The following ZNF33A variants were observed in gnomAD, a reference collection of about 807,000 sequenced individuals.
ZNF33A encodes brain my041 protein.
A neutral mutation model predicts 15.9 loss-of-function variants in ZNF33A; 9 were observed. The observed-to-expected ratio is 0.57, with a 90% CI of 0.34 to 0.99. The LOEUF is 0.99. Among genes scored for constraint, ZNF33A ranks in the 50% least tolerant of loss-of-function variants. The pLI is 0.02. For synonymous variants in ZNF33A, 294 were observed against 324.2 expected (o/e 0.91, Z 1.00); for missense variants, 843 against 941.6 (o/e 0.90, Z 1.37).
chr10:38,067,012 A>G (rs1462142301), downstream of ZNF33A, among the ~76,000 whole-genome samples: 4 of 152,206 alleles, frequency 2.6e-5, no homozygotes, highest in Non-Finnish European at 4.4e-5. Context: ...ACTGTCCTCA[A>G]TATGACCTAT....
intron 4 of ZNF33A, among the ~76,000 whole-genome samples, chr10:38,053,444 T>C (rs2066304554): frequency 6.6e-6 from 1 of 152,156 alleles, no homozygotes; most frequent in Admixed American, 6.6e-5. Flanking sequence ...ACCAATGCCA[T>C]TGTATTTGTG....
At position 38,055,251 on chromosome 10, in the gene ZNF33A, A is replaced by G. The variant is rs772100977; in HGVS notation, c.1127A>G (p.Gln376Arg). ...GATAAGTCAAACCTCACTAAACATC[A>G]AAGATCACACACAGGGGAGAAACCT... ...FWDKSNLTKH[Q>R]RSHTGEKPFE... Residue 376 changes from glutamine (Q) to arginine (R), a missense_variant, in exon 5 of 5, where the codon CAA (glutamine) becomes CGA (arginine). Gln to Arg is a conservative substitution (Grantham distance 43). Transcript: ENST00000432900. 25 of 1,614,072 alleles carry G rather than the reference A, an allele frequency of 1.5e-5. No homozygotes were observed. The highest frequency in any genetic ancestry group is 1.2e-4 in the Admixed American group (7 of 60,002).
chr10:38,019,607 C>T (rs1303871688), intron 4 of ZNF33A, among the ~76,000 whole-genome samples: 1 of 152,194 alleles, frequency 6.6e-6, no homozygotes, highest in Non-Finnish European at 1.5e-5. Flanking sequence ...GAGAGGAAAG[C>T]ACTATCAAAT....
In ZNF33A at chr10:38,010,688, C is replaced by T; in HGVS notation, c.-140C>T. ...GGCTACGTCTGCGTTTCCGCCTTTC[C>T]TTTTGTTTTTCTCAGGTTTTGCGTG... On this transcript the variant is annotated 5_prime_UTR_variant, in exon 1 of 5. Transcript: ENST00000432900. The T allele has an allele frequency of 6.3e-7, 1 of 1,596,466 alleles. No individual in the cohort carries two copies. Among genetic ancestry groups the T allele is most frequent in the South Asian group, 1.1e-5 (1 of 91,050 alleles).
At chr10:38,067,234 A>G (rs1028768885), downstream of ZNF33A, among the ~76,000 whole-genome samples, 1 of 151,754 alleles carries the variant, frequency 6.6e-6, no homozygotes, top group Non-Finnish European at 1.5e-5. Context: ...AGGCAGAGAT[A>G]GGGGTCTTAC....
intron 3 of ZNF33A, 102 bp downstream of exon 3, chr10:38,017,117 C>T: frequency 1.3e-6 from 2 of 1,495,120 alleles, no homozygotes; most frequent in Non-Finnish European, 1.8e-6. Flanking sequence ...TAAGGTTAGG[C>T]TTCAGGAGTC....
At chr10:38,010,630 G>C (rs375938831), upstream of ZNF33A, 4 of 1,377,380 alleles carry the variant, frequency 2.9e-6, no homozygotes, top group Non-Finnish European at 4.1e-6. Flanking sequence ...GCATCAAGCT[G>C]TGCGCGTGGG....
chr10:38,028,997 G>A lies in ZNF33A; in HGVS notation c.250+11611G>A, dbSNP rs140702729. ...CCTTTATGTTGTTTTCACACATTAC[G>A]TCTTTATACATTGTGTACCGATAAT... is the stretch of plus-strand genomic sequence containing the variant. On this transcript the variant is annotated intron_variant, in intron 4 of 4. Coordinates refer to ENST00000432900, the MANE Select transcript of ZNF33A (RefSeq NM_006954.2). 9.3e-3 allele frequency among the ~76,000 whole-genome samples: 1,416 copies of A among 152,090 alleles called. 22 individuals are homozygous for A. Among genetic ancestry groups the A allele is most frequent in the African/African-American group, 0.033 (1,352 of 41,464 alleles).
chr10:38,040,981 A>G (rs926448250), intron 4 of ZNF33A, among the ~76,000 whole-genome samples: 7 of 152,264 alleles, frequency 4.6e-5, no homozygotes, highest in South Asian at 4.1e-4. Flanking sequence ...TAATTTGACT[A>G]TTATCAGGAT....
At position 38,010,731 on chromosome 10, in the gene ZNF33A, T is replaced by C. The variant is rs2064127168; in HGVS notation, c.-97T>C. The C allele has an allele frequency of 7.5e-6, 12 of 1,598,396 alleles. No individual in the cohort carries two copies. The East Asian group carries it at 2.2e-4, about 30-fold the overall frequency. On this transcript the variant is annotated 5_prime_UTR_variant, in exon 1 of 5. Coordinates refer to ENST00000432900, the MANE Select transcript of ZNF33A (RefSeq NM_006954.2). The stretch of plus-strand genomic sequence containing the variant: ...TTTGCGTGGGAGGCGGTCCCGGGAT[T>C]TCAAGGGTCTACGCGCTTTTCTATG...
chr10:38,012,140 AT>A (rs1359775669), intron 1 of ZNF33A, among the ~76,000 whole-genome samples, 157 bp from the exon 2 acceptor site: 1 of 152,036 alleles, frequency 6.6e-6, no homozygotes, highest in African/African-American at 2.4e-5. Context: ...TTCTTCCACC[AT>A]TTCTACCCCC....
upstream of ZNF33A, chr10:38,010,512 C>T (rs1483732262): frequency 1.6e-6 from 1 of 642,572 alleles, no homozygotes; most frequent in Admixed American, 2.3e-5. Flanking sequence ...GTTCCAGCAC[C>T]AACTCAGACC....
intron 4 of ZNF33A, among the ~76,000 whole-genome samples, chr10:38,040,332 A>C (rs1049215988): frequency 6.6e-6 from 1 of 152,054 alleles, no homozygotes; most frequent in African/African-American, 2.4e-5. Context: ...AGTGTCATCT[A>C]TATCTTCTGT....
chr10:38,056,221 G>A lies in ZNF33A; in HGVS notation c.2097G>A (p.Gly699=). 6.2e-7 allele frequency: 1 copy of A among 1,614,084 alleles called. No homozygotes were observed. Among genetic ancestry groups the A allele is most frequent in the Non-Finnish European group, 8.5e-7 (1 of 1,179,988 alleles). ...AACCCTATGAATGCAATGAATGTGG[G>A]AAATTCTTCAGGCACAAATCATCAC... ...GEKPYECNEC[G]KFFRHKSSLT... The change falls in exon 5 of 5, where the codon GGG becomes GGA. Residue 699 remains glycine, a synonymous_variant. Transcript: ENST00000432900.
upstream of ZNF33A, chr10:38,010,575 C>T: frequency 3.4e-6 from 3 of 885,266 alleles, no homozygotes; most frequent in Admixed American, 3.4e-5. Context: ...AAGGGCTGCT[C>T]GCCCGGCCTC....
chr10:38,053,685 T>C (rs1249224234), intron 4 of ZNF33A, among the ~76,000 whole-genome samples: 1 of 152,236 alleles, frequency 6.6e-6, no homozygotes, highest in Non-Finnish European at 1.5e-5. Flanking sequence ...TTCCTGAGTT[T>C]GATTACCCTT....
intron 2 of ZNF33A, among the ~76,000 whole-genome samples, chr10:38,016,218 T>TGGAA (rs1250116401): frequency 6.6e-6 from 1 of 152,288 alleles, no homozygotes; most frequent in African/African-American, 2.4e-5. Context: ...ATGAATGTAC[T>TGGAA]GACAATTTAT....
intron 2 of ZNF33A, among the ~76,000 whole-genome samples, chr10:38,016,344 C>CT (rs1313867140): frequency 6.6e-6 from 1 of 152,154 alleles, no homozygotes; most frequent in East Asian, 1.9e-4. Flanking sequence ...ATTTCCTTGG[C>CT]TTTTTTTCTC....
Position 38,054,427 on chromosome 10 carries a change from A to G in ZNF33A, c.303A>G (p.Lys101=), listed in dbSNP as rs2066353067. The G allele has an allele frequency of 1.9e-6, 3 of 1,601,642 alleles. No homozygotes were observed. The highest frequency in any genetic ancestry group is 2.7e-5 in the African/African-American group (2 of 74,368). The change falls in exon 5 of 5, where the codon AAA becomes AAG. Residue 101 remains lysine, a synonymous_variant. Transcript: ENST00000432900. The part of the protein sequence containing the change: ...LKERSQENQS[K]HLWEVVFINN... ...AGAGGAGCCAAGAAAACCAATCTAA[A>G]CATTTGTGGGAAGTTGTATTCATCA...
Sources: allele counts gnomAD v4.1 joint callset (sites outside exome capture counted in the v4.1 genomes callset), GRCh38; gene constraint gnomAD v4.1.1; transcripts MANE v1.5; gene names NCBI Gene and HGNC (gene_info 2026-07-23, HGNC 2026-07-21).